PLCB1: variants seen among roughly 807,000 people sequenced by gnomAD.
PLCB1 encodes 1-phosphatidylinositol 4,5-bisphosphate phosphodiesterase beta-1.
In PLCB1, 46 loss-of-function variants were observed where a neutral mutation model predicts 161.8. The observed-to-expected ratio is 0.28, with a 90% CI of 0.22 to 0.36. The LOEUF is 0.36. Among genes scored for constraint, PLCB1 ranks in the 10% least tolerant of loss-of-function variants. PLCB1 has a pLI of 1.00. For synonymous variants in PLCB1, 517 were observed against 503.7 expected (o/e 1.03, Z -0.35); for missense variants, 1,016 against 1,472.5 (o/e 0.69, Z 5.07).
At chr20:8,618,356 C>T (rs1253613553) in intron 3 of PLCB1, among the ~76,000 whole-genome samples, 2 of 152,026 alleles carry the variant, frequency 1.3e-5, no homozygotes, top group African/African-American at 4.8e-5. Flanking sequence ...AATTTCCTTT[C>T]TATTCCCTAT....
At position 8,540,863 on chromosome 20, in the gene PLCB1, G is replaced by C. The variant is rs1374675490; in HGVS notation, c.247-87431G>C. Among the ~76,000 whole-genome samples, 3 of 151,856 alleles carry C rather than the reference G, an allele frequency of 2.0e-5. No homozygotes were observed. In the East Asian group the frequency reaches 5.8e-4, roughly 29 times the overall value. On this transcript the variant is annotated intron_variant, in intron 3 of 31. Coordinates refer to ENST00000338037, the MANE Select transcript of PLCB1 (RefSeq NM_015192.4). ...TCCTGAAAATACAACCTTCTACCAG[G>C]GCTATTCTAAGCCAGTGATTTAGAG...
intron 2 of PLCB1, among the ~76,000 whole-genome samples, chr20:8,265,274 A>C (rs1211492795): frequency 1.3e-5 from 2 of 152,166 alleles, no homozygotes; most frequent in African/African-American, 4.8e-5. Flanking sequence ...AATGCATATA[A>C]AAAAACACTT....
At chr20:8,291,210 G>T (rs1983368737) in intron 2 of PLCB1, among the ~76,000 whole-genome samples, 1 of 152,128 alleles carries the variant, frequency 6.6e-6, no homozygotes, top group South Asian at 2.1e-4. Flanking sequence ...TGCCTTCCAG[G>T]TCAATGAAAA....
intron 23 of PLCB1, 149 bp downstream of exon 23, chr20:8,741,722 C>A (rs1231557976): frequency 3.5e-6 from 2 of 569,060 alleles, no homozygotes; most frequent in Non-Finnish European, 6.4e-6. Flanking sequence ...TGTCACAGAA[C>A]ATCTAGATGA....
intron 18 of PLCB1, among the ~76,000 whole-genome samples, chr20:8,731,277 A>G (rs1980230043): frequency 1.3e-5 from 2 of 151,974 alleles, no homozygotes; most frequent in Admixed American, 6.6e-5. Context: ...TAATCAAATC[A>G]GAGTAATTGG....
At chr20:8,583,174 A>G (rs1986887690) in intron 3 of PLCB1, among the ~76,000 whole-genome samples, 1 of 152,108 alleles carries the variant, frequency 6.6e-6, no homozygotes, top group Non-Finnish European at 1.5e-5. Flanking sequence ...AGAAGGTAGG[A>G]TGGTGGTTGC....
intron 9 of PLCB1, among the ~76,000 whole-genome samples, chr20:8,668,281 A>G (rs1989863945): frequency 6.6e-6 from 1 of 152,142 alleles, no homozygotes; most frequent in African/African-American, 2.4e-5. Flanking sequence ...GGATTTCAAA[A>G]ATCTCTTATG....
intron 3 of PLCB1, among the ~76,000 whole-genome samples, chr20:8,409,535 T>C (rs1256506156): frequency 4.6e-5 from 7 of 151,992 alleles, no homozygotes. Flanking sequence ...TGGTCTTGGC[T>C]CACTGCAACC....
chr20:8,189,084 A>G (rs1336107435), intron 2 of PLCB1, among the ~76,000 whole-genome samples: 1 of 151,988 alleles, frequency 6.6e-6, no homozygotes, highest in Non-Finnish European at 1.5e-5. Context: ...ATCTCTGTAC[A>G]TTTGACTGTT....
intron 3 of PLCB1, among the ~76,000 whole-genome samples, chr20:8,593,540 A>C (rs1334028790): frequency 6.6e-6 from 1 of 152,158 alleles, no homozygotes; most frequent in Non-Finnish European, 1.5e-5. Flanking sequence ...ACAAAATGAA[A>C]ATTATAAATT....
At chr20:8,627,745 T>G (rs1378873747) in intron 3 of PLCB1, among the ~76,000 whole-genome samples, 2 of 152,232 alleles carry the variant, frequency 1.3e-5, no homozygotes, top group African/African-American at 4.8e-5. Flanking sequence ...TCCCAGTACA[T>G]TCCGAGGACA....
At chr20:8,832,755 G>A (rs973568765) in intron 31 of PLCB1, among the ~76,000 whole-genome samples, 4 of 152,160 alleles carry the variant, frequency 2.6e-5, no homozygotes, top group African/African-American at 9.7e-5. Flanking sequence ...ATGGCTTCCT[G>A]AAAACGAACT....
At chr20:8,409,846 A>G (rs1429250745) in intron 3 of PLCB1, among the ~76,000 whole-genome samples, 1 of 152,186 alleles carries the variant, frequency 6.6e-6, no homozygotes, top group Non-Finnish European at 1.5e-5. Flanking sequence ...AGAAATTGAT[A>G]TGAACTATGA....
intron 10 of PLCB1, among the ~76,000 whole-genome samples, chr20:8,694,444 A>G (rs2123420836): frequency 6.6e-6 from 1 of 152,286 alleles, no homozygotes; most frequent in East Asian, 1.9e-4. Flanking sequence ...TTTTCCCCAC[A>G]TTCCTTTGCA....
intron 3 of PLCB1, among the ~76,000 whole-genome samples, chr20:8,620,747 CAAAAA>C (rs779029928): frequency 2.2e-3 from 165 of 75,242 alleles, no homozygotes; most frequent in East Asian, 4.3e-3. Flanking sequence ...CTGCCCCCAC[CAAAAA>C]AAAAAAAAAA....
chr20:8,815,400 A>G (rs948100280), intron 31 of PLCB1, among the ~76,000 whole-genome samples: 7 of 152,170 alleles, frequency 4.6e-5, no homozygotes, highest in African/African-American at 1.7e-4. Context: ...TATTACTCAC[A>G]CAAAAGTGCG....
intron 2 of PLCB1, among the ~76,000 whole-genome samples, chr20:8,204,630 AT>A (rs1020958327): frequency 1.3e-5 from 2 of 151,964 alleles, no homozygotes; most frequent in African/African-American, 4.8e-5. Flanking sequence ...TTCCACCATG[AT>A]TGAAAGCTCC....
At chr20:8,634,428 A>C (rs1771931882) in intron 4 of PLCB1, among the ~76,000 whole-genome samples, 1 of 152,160 alleles carries the variant, frequency 6.6e-6, no homozygotes, top group Admixed American at 6.5e-5. Flanking sequence ...AGTTTTCGTT[A>C]ACTTCGTCTA....
intron 31 of PLCB1, among the ~76,000 whole-genome samples, chr20:8,806,869 A>C (rs1984564104): frequency 6.6e-6 from 1 of 152,196 alleles, no homozygotes; most frequent in African/African-American, 2.4e-5. Flanking sequence ...ACAGCACAGA[A>C]AAGGGCTTCT....
Sources: allele counts gnomAD v4.1 joint callset (sites outside exome capture counted in the v4.1 genomes callset), GRCh38; gene constraint gnomAD v4.1.1; transcripts MANE v1.5; gene names NCBI Gene and HGNC (gene_info 2026-07-23, HGNC 2026-07-21).